The following BRI3 variants were observed in gnomAD, a reference collection of about 807,000 sequenced individuals.
The protein encoded by BRI3 is brain protein I3, also known as membrane protein BRI3.
A neutral mutation model predicts 12.8 loss-of-function variants in BRI3; 6 were observed. The observed-to-expected ratio is 0.47, with a 90% CI of 0.26 to 0.93. BRI3 has a LOEUF of 0.93. Ranked by LOEUF, BRI3 falls within the 40% of genes least tolerant of loss-of-function variation. BRI3 has a pLI of 0.15. For missense variants in BRI3, 134 were observed against 171.1 expected (o/e 0.78, Z 1.21); for synonymous variants, 91 against 76.1 (o/e 1.20, Z -1.02).
chr7:98,306,561 T>A, exon 1 of BRI3: 1 of 1,613,924 alleles, frequency 6.2e-7, no homozygotes, highest in East Asian at 2.2e-5. Context: ...AGTAGACATG[T>A]GGACGGCAAC....
In BRI3 at chr7:98,281,941, G is replaced by T. The variant is rs1163127572; in HGVS notation, c.142+4G>T. The T allele has an allele frequency of 1.1e-5, 14 of 1,309,294 alleles. No homozygotes were observed. The East Asian group carries it at 4.0e-4, about 38-fold the overall frequency. 81.1% of individuals were successfully genotyped at this position (1,309,294 alleles called of 1,614,324 possible). ...CCCTACCCCTACCTCGTCACAGGTG[G>T]GCCCGTAACCAACTTTCCCCGCCGG... On this transcript the variant is annotated splice_donor_region_variant and intron_variant, in intron 1 of 2. Coordinates refer to ENST00000297290, the MANE Select transcript of BRI3 (RefSeq NM_015379.5).
chr7:98,281,989 G>T, intron 1 of BRI3, 52 bp downstream of exon 1: 16 of 1,288,468 alleles, frequency 1.2e-5, no homozygotes, highest in Non-Finnish European at 1.6e-5. Flanking sequence ...TGGCAAGCCC[G>T]GTCGGGGGAC....
upstream of BRI3, chr7:98,306,439 C>T: frequency 6.2e-7 from 1 of 1,614,184 alleles, no homozygotes; most frequent in Non-Finnish European, 8.5e-7. Context: ...TCAGGGCTAC[C>T]TTGGCGTGGG....
rs371125291 is a variant in BRI3 at position 98,299,263 on chromosome 7, C to T, written c.72-7220C>T. On this transcript the variant is annotated intron_variant and NMD_transcript_variant, in intron 1 of 2. Transcript: ENST00000491463. ...CAAACTCTTGACATCAGGTGATCCA[C>T]CTGCCTCGGCCTCCCAAGGTGCTGG... Among the ~76,000 whole-genome samples, 17 of 152,222 alleles carry T rather than the reference C, an allele frequency of 1.1e-4. No individual in the cohort carries two copies. The East Asian group carries it at 2.9e-3, about 26-fold the overall frequency.
At chr7:98,307,805 C>A (rs751593031) in exon 2 of BRI3, 89 of 1,614,088 alleles carry the variant, frequency 5.5e-5, no homozygotes, top group Non-Finnish European at 6.9e-5. Context: ...CCGCAGTGTG[C>A]GGGAAGATGG....
upstream of BRI3, among the ~76,000 whole-genome samples, chr7:98,302,955 T>C (rs1177236538): frequency 1.8e-4 from 28 of 152,118 alleles, no homozygotes; most frequent in Admixed American, 1.8e-3. Flanking sequence ...TGGCTAATTT[T>C]TTATATTTTT....
chr7:98,321,725 G>A, the BRI3 span, among the ~76,000 whole-genome samples: 3 of 152,222 alleles, frequency 2.0e-5, no homozygotes, highest in Admixed American at 6.5e-5. Context: ...TGGAACCACC[G>A]TTACCACCAC....
At position 98,291,265 on chromosome 7, in the gene BRI3, T is replaced by G; in HGVS notation, c.*22T>G. On this transcript the variant is annotated 3_prime_UTR_variant, in exon 3 of 3. Coordinates refer to ENST00000297290, the MANE Select transcript of BRI3 (RefSeq NM_015379.5). ...TTAAAGGGAACACCAGGCCCGGCTTTCCTACACCCAGCTCTCTTTTTCTAA... is the reference window on the plus strand; with the variant it reads ...TTAAAGGGAACACCAGGCCCGGCTTGCCTACACCCAGCTCTCTTTTTCTAA... The G allele has an allele frequency of 6.2e-7, 1 of 1,612,154 alleles. No individual in the cohort carries two copies. The highest frequency in any genetic ancestry group is 2.2e-5 in the East Asian group (1 of 44,880).
chr7:98,289,838 C>T (rs1227091899), intron 2 of BRI3, among the ~76,000 whole-genome samples: 1 of 152,184 alleles, frequency 6.6e-6, no homozygotes, highest in East Asian at 1.9e-4. Context: ...ACTTTTAGGG[C>T]CTCTGAAACT....
chr7:98,284,846 CCCCTGCCCTG>C (rs758370542), intron 2 of BRI3, among the ~76,000 whole-genome samples: 20 of 151,992 alleles, frequency 1.3e-4, no homozygotes, highest in South Asian at 4.2e-4. Context: ...TCCTGCTTCA[CCCCTGCCCTG>C]CCCTGCCCTG....
At chr7:98,315,639 A>C in the BRI3 span, 2 of 1,087,640 alleles carry the variant, frequency 1.8e-6, no homozygotes, top group African/African-American at 3.2e-5. Context: ...AATAATAATA[A>C]TAATTATATA....
the BRI3 span, among the ~76,000 whole-genome samples, chr7:98,322,638 A>T: frequency 6.6e-6 from 1 of 152,132 alleles, no homozygotes; most frequent in African/African-American, 2.4e-5. Flanking sequence ...CTGTTCCACC[A>T]GAGATGGCGG....
At chr7:98,295,739 A>C (rs1800162381), downstream of BRI3, among the ~76,000 whole-genome samples, 2 of 152,024 alleles carry the variant, frequency 1.3e-5, no homozygotes, top group African/African-American at 4.8e-5. Flanking sequence ...CCAAACTAGA[A>C]ACCAGAAACA....
downstream of BRI3, among the ~76,000 whole-genome samples, chr7:98,296,060 C>T (rs541239192): frequency 4.6e-5 from 7 of 152,204 alleles, no homozygotes; most frequent in South Asian, 2.1e-4. Context: ...AAACACCAGA[C>T]GCCCGTCAAT....
chr7:98,301,262 G>A (rs1800407292), intron 1 of BRI3, among the ~76,000 whole-genome samples: 1 of 152,180 alleles, frequency 6.6e-6, no homozygotes, highest in Admixed American at 6.5e-5. Context: ...CCCCTGTGCT[G>A]GATGGGCCTT....
downstream of BRI3, chr7:98,291,873 G>A (rs1799971665): frequency 6.5e-6 from 1 of 153,054 alleles, no homozygotes; most frequent in African/African-American, 2.4e-5. Context: ...CAAAGGCCAG[G>A]TGTCACCCAC....
chr7:98,310,548 C>A, downstream of BRI3: 1 of 1,593,022 alleles, frequency 6.3e-7, no homozygotes, highest in Admixed American at 1.9e-5. Context: ...GAGCGGGGGG[C>A]ATCTTTGGTG....
chr7:98,300,986 C>T (rs924492788), intron 1 of BRI3, among the ~76,000 whole-genome samples: 4 of 152,208 alleles, frequency 2.6e-5, no homozygotes, highest in Admixed American at 6.5e-5. Flanking sequence ...CCCCATGCAT[C>T]GAGCGCTCCC....
intron 1 of BRI3, among the ~76,000 whole-genome samples, chr7:98,299,014 G>GT (rs1200899693): frequency 1.3e-5 from 2 of 151,720 alleles, no homozygotes; most frequent in African/African-American, 4.8e-5. Context: ...TTAATTTTCT[G>GT]TTTTTTGGTG....
Sources: gnomAD v4.1 joint callset for allele counts (sites outside exome capture counted in the v4.1 genomes callset) on GRCh38, gnomAD v4.1.1 for gene constraint, MANE v1.5 for transcripts, NCBI Gene and HGNC (gene_info 2026-07-23, HGNC 2026-07-21) for gene names.